The following DNAJC11 variants were observed in gnomAD, a reference collection of about 807,000 sequenced individuals.
DNAJC11 encodes the protein DnaJ heat shock protein family (Hsp40) member C11.
Under a neutral mutation model 78.6 loss-of-function variants are expected in DNAJC11, and 15 were observed. The observed-to-expected ratio is 0.19, with a 90% CI of 0.13 to 0.29. The LOEUF (loss-of-function observed/expected upper bound fraction) is 0.29. DNAJC11 is among the 10% of genes least tolerant of loss of function. DNAJC11 has a pLI of 1.00. For missense variants in DNAJC11, 547 were observed against 709.6 expected (o/e 0.77, Z 2.60); for synonymous variants, 292 against 272.1 (o/e 1.07, Z -0.72).
chr1:6,678,158 G>A (rs886803449), intron 3 of DNAJC11, among the ~76,000 whole-genome samples: 3 of 152,156 alleles, frequency 2.0e-5, no homozygotes, highest in African/African-American at 7.2e-5. Flanking sequence ...CGTTTTACTT[G>A]ACAGGTTAGG....
At chr1:6,700,551 AGTGTGACTTT>A (rs1642908836) in intron 1 of DNAJC11, among the ~76,000 whole-genome samples, 2 of 152,222 alleles carry the variant, frequency 1.3e-5, no homozygotes, top group South Asian at 4.1e-4. Context: ...ACTTTCTAGT[AGTGTGACTTT>A]AGACACACTA....
At chr1:6,695,627 T>TAAAAAAAAAAAAAAAAAAAAA (rs70984004) in intron 1 of DNAJC11, among the ~76,000 whole-genome samples, 1 of 83,004 alleles carries the variant, frequency 1.2e-5, no homozygotes, top group African/African-American at 4.5e-5. Context: ...CTATCTCTAC[T>TAAAAAAAAAAAAAAAAAAAAA]AAAAAAAAAA....
At chr1:6,681,238 T>C (rs558785398) in intron 1 of DNAJC11, among the ~76,000 whole-genome samples, 3 of 152,192 alleles carry the variant, frequency 2.0e-5, no homozygotes, top group African/African-American at 4.8e-5. Flanking sequence ...CATACATCAA[T>C]AGGGACTGGG....
intron 7 of DNAJC11, among the ~76,000 whole-genome samples, chr1:6,649,085 C>T (rs925264041): frequency 5.9e-5 from 9 of 151,970 alleles, no homozygotes; most frequent in East Asian, 1.9e-4. Context: ...CTCAACCTCC[C>T]GGGTTCAAGC....
At chr1:6,670,667 A>T (rs1323600944) in intron 3 of DNAJC11, 3 of 152,240 alleles carry the variant, frequency 2.0e-5, no homozygotes, top group African/African-American at 7.2e-5. Flanking sequence ...TGTTAAAATC[A>T]TCCAAGAACA....
chr1:6,642,597 T>C (rs1641894423), intron 10 of DNAJC11, among the ~76,000 whole-genome samples: 1 of 151,974 alleles, frequency 6.6e-6, no homozygotes, highest in Non-Finnish European at 1.5e-5. Flanking sequence ...CCTAACACTT[T>C]AGGAGGCCGA....
intron 7 of DNAJC11, chr1:6,650,971 C>A: frequency 2.1e-6 from 1 of 487,108 alleles, no homozygotes; most frequent in Non-Finnish European, 4.3e-6. Context: ...TATTTACCCT[C>A]CACCAATTCT....
At chr1:6,639,415 C>T (rs1371199151) in intron 11 of DNAJC11, among the ~76,000 whole-genome samples, 3 of 151,764 alleles carry the variant, frequency 2.0e-5, no homozygotes, top group Admixed American at 1.3e-4. Context: ...CTGCAACATC[C>T]ACCTCCCAGG....
At chr1:6,689,643 G>C (rs1642712417) in intron 1 of DNAJC11, among the ~76,000 whole-genome samples, 2 of 152,082 alleles carry the variant, frequency 1.3e-5, no homozygotes. Flanking sequence ...CAAAAAAACA[G>C]CCAGGCATGG....
At chr1:6,647,663 C>T (rs963106453) in intron 7 of DNAJC11, among the ~76,000 whole-genome samples, 1 of 151,950 alleles carries the variant, frequency 6.6e-6, no homozygotes, top group African/African-American at 2.4e-5. Flanking sequence ...AGTAAAAATA[C>T]AAAAATTAGC....
In DNAJC11 at chr1:6,635,042, C is replaced by A; in HGVS notation, c.*633G>T. ...GGGAGTTACACTACCCTGTCCCAAG[C>A]CGAGGGGGCCGGTGGAATGACTTGA... On this transcript the variant is annotated 3_prime_UTR_variant, in exon 16 of 16. Transcript: ENST00000377577. 3 of 278,498 alleles carry A rather than the reference C, an allele frequency of 1.1e-5. No individual in the cohort carries two copies. Among genetic ancestry groups the A allele is most frequent in the Non-Finnish European group, 1.9e-5 (3 of 155,450 alleles). The allele number at this position is 278,498 out of a possible 1,614,324, so 17.3% of individuals were successfully genotyped here.
At chr1:6,684,180 A>G (rs531680016) in intron 1 of DNAJC11, among the ~76,000 whole-genome samples, 1 of 151,324 alleles carries the variant, frequency 6.6e-6, no homozygotes, top group South Asian at 2.1e-4. Flanking sequence ...TCCTGGGTTC[A>G]AGTAATTGTC....
chr1:6,651,717 A>G, intron 6 of DNAJC11, 115 bp from the exon 7 acceptor site: 1 of 772,824 alleles, frequency 1.3e-6, no homozygotes, highest in Non-Finnish European at 2.2e-6. Context: ...TGGTCTTGCC[A>G]GGGCTCTAAA....
chr1:6,644,636 T>G lies in DNAJC11; in HGVS notation c.1019A>C (p.Glu340Ala), dbSNP rs776220398. The change falls in exon 10 of 16, where the codon GAG becomes GCG. Residue 340 changes from glutamate (E) to alanine (A), a missense_variant. Physicochemically the swap from Glu to Ala is moderately radical, Grantham distance 107. Coordinates refer to ENST00000377577, the MANE Select transcript of DNAJC11 (RefSeq NM_018198.4). ...AACGCTGTGCCTGGAGATCTTCCTC[T>G]CAGCTCCGTACTCCACCACCGTCCC... ...FFGTVVEYGA[E>A]RKISRHSVLG... 6.2e-7 allele frequency: 1 copy of G among 1,614,182 alleles called. No homozygotes were observed. Among genetic ancestry groups the G allele is most frequent in the South Asian group, 1.1e-5 (1 of 91,086 alleles).
intron 1 of DNAJC11, among the ~76,000 whole-genome samples, chr1:6,693,109 C>T (rs954619251): frequency 2.6e-5 from 4 of 151,324 alleles, no homozygotes; most frequent in Admixed American, 6.6e-5. Flanking sequence ...GACAGGGTTT[C>T]GCCATGTTAA....
Position 6,645,739 on chromosome 1 carries a change from G to A in DNAJC11, c.894+50C>T. On this transcript the variant is annotated intron_variant, in intron 8 of 15. Transcript: ENST00000377577. The surrounding 1 kb of genome is among the most constrained non-coding windows in gnomAD (Gnocchi z 4.1). ...GGGGAGCACTGAGTGCTTGGGAGGA[G>A]GGGTCCTCCCAGAGCTCTGTCTGCA... 6.3e-7 allele frequency: 1 copy of A among 1,578,536 alleles called. No individual in the cohort carries two copies. The highest frequency in any genetic ancestry group is 1.1e-5 in the South Asian group (1 of 89,142).
At chr1:6,657,713 C>T (rs1045901450) in intron 4 of DNAJC11, among the ~76,000 whole-genome samples, 11 of 152,328 alleles carry the variant, frequency 7.2e-5, no homozygotes, top group Non-Finnish European at 1.6e-4. Context: ...GGCACGATCT[C>T]GGCTCGCTGC....
chr1:6,696,266 C>G (rs1346260704), intron 1 of DNAJC11, among the ~76,000 whole-genome samples: 1 of 152,232 alleles, frequency 6.6e-6, no homozygotes, highest in Admixed American at 6.5e-5. Context: ...ACAAAATTAA[C>G]TGCCCATCAT....
At chr1:6,644,463 C>T in intron 10 of DNAJC11, 95 bp downstream of exon 10, 2 of 941,560 alleles carry the variant, frequency 2.1e-6, no homozygotes, top group South Asian at 1.3e-5. Context: ...AACAAAATTA[C>T]AATGCAAAGG....
Sources: allele counts gnomAD v4.1 joint callset (sites outside exome capture counted in the v4.1 genomes callset), GRCh38; gene constraint gnomAD v4.1.1; non-coding constraint Gnocchi (gnomAD v3.1); transcripts MANE v1.5; gene names NCBI Gene and HGNC (gene_info 2026-07-23, HGNC 2026-07-21).